Variants in ENOX1 observed in about 807,000 individuals in gnomAD.
ENOX1 encodes candidate growth-related and time keeping constitutive hydroquinone (NADH) oxidase.
ENOX1 carries 42 observed loss-of-function variants against 82.5 expected under a neutral mutation model. The observed-to-expected ratio is 0.51, with a 90% CI of 0.40 to 0.66. The LOEUF (loss-of-function observed/expected upper bound fraction) is 0.66. Among genes scored for constraint, ENOX1 ranks in the 30% least tolerant of loss-of-function variants. The pLI, the probability that ENOX1 is intolerant of heterozygous loss-of-function variation, is 0.00. For missense variants in ENOX1, 608 were observed against 811.6 expected (o/e 0.75, Z 3.05); for synonymous variants, 271 against 282.2 (o/e 0.96, Z 0.40).
chr13:43,431,990 A>C (rs2055701298), intron 3 of ENOX1, among the ~76,000 whole-genome samples: 1 of 152,142 alleles, frequency 6.6e-6, no homozygotes, highest in African/African-American at 2.4e-5. Flanking sequence ...CCCAGAGCTT[A>C]AATTATTCAA....
At chr13:43,676,602 T>G (rs1287810145) in intron 1 of ENOX1, among the ~76,000 whole-genome samples, 1 of 150,676 alleles carries the variant, frequency 6.6e-6, no homozygotes. Context: ...ACTTCCTCTC[T>G]GCTGCTTTTC....
intron 2 of ENOX1, among the ~76,000 whole-genome samples, chr13:43,504,161 A>ATATT (rs2077071642): frequency 6.6e-6 from 1 of 151,778 alleles, no homozygotes; most frequent in Non-Finnish European, 1.5e-5. Flanking sequence ...TATTATAAAA[A>ATATT]ATAAAAAGAT....
intron 5 of ENOX1, among the ~76,000 whole-genome samples, chr13:43,366,569 C>T (rs1315790691): frequency 6.6e-6 from 1 of 152,198 alleles, no homozygotes; most frequent in Non-Finnish European, 1.5e-5. Flanking sequence ...AGCCACTGCA[C>T]CTGGCCAGCT....
chr13:43,460,951 C>G (rs923624803), intron 3 of ENOX1, among the ~76,000 whole-genome samples: 6 of 151,936 alleles, frequency 3.9e-5, no homozygotes, highest in African/African-American at 1.5e-4. Flanking sequence ...ATTAGAAACA[C>G]TCTTCTTTCA....
intron 1 of ENOX1, among the ~76,000 whole-genome samples, chr13:43,674,232 A>T (rs12431105): frequency 0.13 from 20,315 of 152,194 alleles, 1,819 homozygotes; most frequent in East Asian, 0.32. Context: ...AGTACAAGCC[A>T]GGAACAAGAC....
At chr13:43,276,747 A>G (rs1011201688) in intron 12 of ENOX1, among the ~76,000 whole-genome samples, 4 of 152,268 alleles carry the variant, frequency 2.6e-5, no homozygotes, top group African/African-American at 9.6e-5. Flanking sequence ...CACATCTAAC[A>G]GGATTTCTGA....
intron 8 of ENOX1, among the ~76,000 whole-genome samples, chr13:43,350,745 G>A (rs1261085930): frequency 1.3e-5 from 2 of 152,148 alleles, no homozygotes; most frequent in African/African-American, 4.8e-5. Context: ...ACGCCCGGCT[G>A]GTGTTTTTTT....
chr13:43,489,919 C>A (rs1262070726), intron 2 of ENOX1, among the ~76,000 whole-genome samples: 2 of 152,128 alleles, frequency 1.3e-5, no homozygotes, highest in African/African-American at 4.8e-5. Flanking sequence ...AAATGTCTAT[C>A]CTATGTCTGT....
chr13:43,769,160 TG>T, intron 1 of ENOX1, among the ~76,000 whole-genome samples: 1 of 152,214 alleles, frequency 6.6e-6, no homozygotes, highest in Non-Finnish European at 1.5e-5. Flanking sequence ...TTAGAAAGGC[TG>T]CCATGAGGAT....
At chr13:43,767,223 A>G (rs1951331158) in intron 1 of ENOX1, among the ~76,000 whole-genome samples, 1 of 152,224 alleles carries the variant, frequency 6.6e-6, no homozygotes, top group Admixed American at 6.5e-5. Flanking sequence ...TTTTCAGTAT[A>G]AAGAGACAGG....
chr13:43,478,062 T>G (rs1425716891), intron 3 of ENOX1, among the ~76,000 whole-genome samples: 2 of 149,232 alleles, frequency 1.3e-5, no homozygotes, highest in African/African-American at 2.5e-5. Context: ...AGGTTTTTTT[T>G]TTTTTTTTTT....
intron 2 of ENOX1, among the ~76,000 whole-genome samples, chr13:43,649,507 C>T (rs144239075): frequency 2.4e-4 from 36 of 152,208 alleles, no homozygotes; most frequent in African/African-American, 8.2e-4. Context: ...AGTAAGATGG[C>T]TTTTGTGTTG....
chr13:43,422,651 C>A (rs1395722610), intron 3 of ENOX1, among the ~76,000 whole-genome samples: 1 of 152,112 alleles, frequency 6.6e-6, no homozygotes, highest in Non-Finnish European at 1.5e-5. Context: ...AGAGAGATGA[C>A]CTGAAGGCCC....
At chr13:43,454,588 T>C (rs1170514668) in intron 3 of ENOX1, among the ~76,000 whole-genome samples, 1 of 152,180 alleles carries the variant, frequency 6.6e-6, no homozygotes. Flanking sequence ...TATCACACGC[T>C]CCCAAGTTTT....
intron 11 of ENOX1, among the ~76,000 whole-genome samples, chr13:43,308,468 A>G (rs1300162953): frequency 6.6e-6 from 1 of 152,126 alleles, no homozygotes; most frequent in Non-Finnish European, 1.5e-5. Flanking sequence ...ACATCCTCAC[A>G]AAAAAAGTTT....
intron 1 of ENOX1, among the ~76,000 whole-genome samples, chr13:43,712,839 A>G (rs6561140): frequency 1 from 150,030 of 150,630 alleles, 74,717 homozygotes; most frequent in East Asian, 1. Context: ...TTCTAGATAA[A>G]CAATCATGTC....
At chr13:43,356,734 C>T (rs535629871) in intron 7 of ENOX1, among the ~76,000 whole-genome samples, 48 of 152,252 alleles carry the variant, frequency 3.2e-4, no homozygotes, top group Admixed American at 2.0e-3. Context: ...CCACAATTAC[C>T]AAGGCAATTT....
At chr13:43,343,632 G>A (rs2049196302) in intron 9 of ENOX1, among the ~76,000 whole-genome samples, 1 of 152,128 alleles carries the variant, frequency 6.6e-6, no homozygotes, top group African/African-American at 2.4e-5. Context: ...TGATGAAAGA[G>A]GTGATAGGCA....
chr13:43,691,276 C>A (rs2086349591), intron 1 of ENOX1, among the ~76,000 whole-genome samples: 1 of 152,042 alleles, frequency 6.6e-6, no homozygotes, highest in Non-Finnish European at 1.5e-5. Context: ...TGTTCTCTCC[C>A]CCACCACCCC....
Sources: allele counts gnomAD v4.1 joint callset (sites outside exome capture counted in the v4.1 genomes callset), GRCh38; gene constraint gnomAD v4.1.1; transcripts MANE v1.5; gene names NCBI Gene and HGNC (gene_info 2026-07-23, HGNC 2026-07-21).